CSGALNACT1: variants seen among roughly 807,000 people sequenced by gnomAD.
CSGALNACT1 encodes the protein chondroitin sulfate N-acetylgalactosaminyltransferase 1, also known as beta4GalNAcT-1.
Under a neutral mutation model 51.0 loss-of-function variants are expected in CSGALNACT1, and 52 were observed. The observed-to-expected ratio is 1.02, with a 90% CI of 0.82 to 1.29. The LOEUF (loss-of-function observed/expected upper bound fraction) is 1.29, where lower values mean the gene tolerates loss of function less well. Ranked by LOEUF, CSGALNACT1 falls within the 50% of genes most tolerant of loss-of-function variation. The probability of loss-of-function intolerance (pLI) is 0.00; values close to 1 mark genes in which losing one functional copy is unlikely to be tolerated. For missense variants in CSGALNACT1, 935 were observed against 679.2 expected (o/e 1.38, Z -4.19); for synonymous variants, 341 against 254.4 (o/e 1.34, Z -3.24).
chr8:19,527,220 C>G (rs376829849), intron 3 of CSGALNACT1, among the ~76,000 whole-genome samples: 1 of 152,198 alleles, frequency 6.6e-6, no homozygotes, highest in East Asian at 1.9e-4. Context: ...GAGGAATATT[C>G]AACCTAACCT....
intron 3 of CSGALNACT1, among the ~76,000 whole-genome samples, chr8:19,579,200 A>C (rs2044999329): frequency 6.6e-6 from 1 of 152,240 alleles, no homozygotes; most frequent in Non-Finnish European, 1.5e-5. Context: ...ATGGACTAAA[A>C]GGCCCACTTT....
At position 19,706,314 on chromosome 8, in the gene CSGALNACT1, C is replaced by T. The variant is rs188803419; in HGVS notation, c.-297+51536G>A. 4.4e-3 allele frequency among the ~76,000 whole-genome samples: 666 copies of T among 152,288 alleles called. 2 individuals are homozygous for T. Among genetic ancestry groups the T allele is most frequent in the East Asian group, 9.5e-3 (49 of 5,182 alleles). ...TTTGTGAACTGAAGCCAGGCTCAAT[C>T]TGTATCTGTATTGTCATAAAGAGAA... On this transcript the variant is annotated intron_variant, in intron 1 of 1. Transcript: ENST00000517494.
upstream of CSGALNACT1, among the ~76,000 whole-genome samples, chr8:19,606,503 T>G (rs1239088665): frequency 1.3e-5 from 2 of 152,204 alleles, no homozygotes; most frequent in African/African-American, 2.4e-5. Context: ...TTAAATAATT[T>G]TACTGCAAAT....
intron 4 of CSGALNACT1, among the ~76,000 whole-genome samples, chr8:19,493,071 AC>A (rs1231774915): frequency 4.6e-4 from 65 of 141,548 alleles, no homozygotes; most frequent in African/African-American, 1.4e-3. Context: ...AAAAAAAAAA[AC>A]ATCTGTAAAT....
intron 1 of CSGALNACT1, among the ~76,000 whole-genome samples, chr8:19,610,981 G>A (rs1050755861): frequency 1.3e-5 from 2 of 152,188 alleles, no homozygotes; most frequent in Non-Finnish European, 2.9e-5. Flanking sequence ...CAGCCTGCCC[G>A]TCTGTATGCC....
At chr8:19,585,091 A>C (rs2046340170) in intron 3 of CSGALNACT1, 1 of 152,230 alleles carries the variant, frequency 6.6e-6, no homozygotes, top group Non-Finnish European at 1.5e-5. Flanking sequence ...CAGGGTTATT[A>C]AAGAGAATAC....
intron 1 of CSGALNACT1, among the ~76,000 whole-genome samples, chr8:19,722,662 G>A (rs2063189242): frequency 6.6e-6 from 1 of 152,192 alleles, no homozygotes; most frequent in Non-Finnish European, 1.5e-5. Flanking sequence ...CACAGCCCTG[G>A]CGCATTGACC....
chr8:19,536,861 C>A (rs987102657), intron 3 of CSGALNACT1, among the ~76,000 whole-genome samples: 12 of 152,174 alleles, frequency 7.9e-5, no homozygotes, highest in South Asian at 2.1e-4. Flanking sequence ...GGTACAACTG[C>A]TACGTCCAAC....
At chr8:19,434,139 A>G (rs899748121) in intron 6 of CSGALNACT1, among the ~76,000 whole-genome samples, 3 of 151,994 alleles carry the variant, frequency 2.0e-5, no homozygotes, top group African/African-American at 7.3e-5. Context: ...AAGTGATTCT[A>G]TTTTTTTCCA....
intron 4 of CSGALNACT1, among the ~76,000 whole-genome samples, chr8:19,475,249 G>A (rs890434474): frequency 4.6e-5 from 7 of 152,276 alleles, no homozygotes; most frequent in Middle Eastern, 3.4e-3. Flanking sequence ...GAAAGTCTGG[G>A]AAATAGACCA....
At chr8:19,658,589 C>T (rs1330664279) in intron 1 of CSGALNACT1, among the ~76,000 whole-genome samples, 1 of 152,138 alleles carries the variant, frequency 6.6e-6, no homozygotes, top group Non-Finnish European at 1.5e-5. Flanking sequence ...CAAAAGTTAG[C>T]TGTGCATGGT....
At chr8:19,700,111 CAA>C (rs1252529714) in intron 1 of CSGALNACT1, among the ~76,000 whole-genome samples, 8 of 58,334 alleles carry the variant, frequency 1.4e-4, no homozygotes, top group Admixed American at 3.5e-4. Context: ...GACTCCGTCT[CAA>C]AAAAAAAAAA....
At chr8:19,746,965 G>A (rs937352598) in intron 1 of CSGALNACT1, among the ~76,000 whole-genome samples, 2 of 152,222 alleles carry the variant, frequency 1.3e-5, no homozygotes, top group East Asian at 3.9e-4. Context: ...ACCAGGGAAA[G>A]GGGTTTAAAG....
At chr8:19,578,106 G>C (rs2044695091) in intron 3 of CSGALNACT1, among the ~76,000 whole-genome samples, 1 of 152,226 alleles carries the variant, frequency 6.6e-6, no homozygotes, top group Admixed American at 6.5e-5. Flanking sequence ...TGGTCCAGGC[G>C]CAGGTGGCAC....
intron 2 of CSGALNACT1, among the ~76,000 whole-genome samples, chr8:19,594,478 G>C (rs2048471754): frequency 6.6e-6 from 1 of 152,132 alleles, no homozygotes; most frequent in Non-Finnish European, 1.5e-5. Flanking sequence ...AGGAAGAAAA[G>C]TTAGGTGACC....
intron 1 of CSGALNACT1, among the ~76,000 whole-genome samples, chr8:19,681,417 T>A (rs911887713): frequency 4.6e-5 from 7 of 152,212 alleles, no homozygotes; most frequent in African/African-American, 1.7e-4. Context: ...TCCCCATCGC[T>A]GGCTCCTCCA....
At chr8:19,571,881 T>A (rs1275388487) in intron 3 of CSGALNACT1, among the ~76,000 whole-genome samples, 1 of 152,238 alleles carries the variant, frequency 6.6e-6, no homozygotes, top group Admixed American at 6.5e-5. Flanking sequence ...GAAGTTACTG[T>A]AAGTTTTCTG....
At chr8:19,601,325 A>G (rs2154144497) in intron 2 of CSGALNACT1, among the ~76,000 whole-genome samples, 1 of 152,218 alleles carries the variant, frequency 6.6e-6, no homozygotes, top group East Asian at 1.9e-4. Flanking sequence ...TGGTATTTAA[A>G]TAATTATTTT....
At chr8:19,719,057 A>C (rs1182614302) in intron 1 of CSGALNACT1, among the ~76,000 whole-genome samples, 1 of 152,206 alleles carries the variant, frequency 6.6e-6, no homozygotes. Context: ...GCTGACTGCT[A>C]AAACCTGAGA....
Sources: allele counts gnomAD v4.1 joint callset (sites outside exome capture counted in the v4.1 genomes callset), GRCh38; gene constraint gnomAD v4.1.1; transcripts MANE v1.5; gene names NCBI Gene and HGNC (gene_info 2026-07-23, HGNC 2026-07-21).